Variants in LSAMP observed in about 807,000 individuals in gnomAD.
LSAMP encodes the protein limbic system associated membrane protein.
In LSAMP, 7 loss-of-function variants were observed where a neutral mutation model predicts 38.6. The observed-to-expected ratio is 0.18, with a 90% CI of 0.10 to 0.34. The LOEUF (loss-of-function observed/expected upper bound fraction) is 0.34. Among genes scored for constraint, LSAMP ranks in the 10% least tolerant of loss-of-function variants. The pLI is 1.00. For synonymous variants in LSAMP, 154 were observed against 166.8 expected (o/e 0.92, Z 0.59); for missense variants, 313 against 420.0 (o/e 0.75, Z 2.23).
At chr3:116,400,077 C>A (rs535918294) in intron 1 of LSAMP, among the ~76,000 whole-genome samples, 3 of 152,188 alleles carry the variant, frequency 2.0e-5, no homozygotes, top group Non-Finnish European at 2.9e-5. Flanking sequence ...AATATTAAGG[C>A]TACAGTAATA....
intron 1 of LSAMP, among the ~76,000 whole-genome samples, chr3:116,250,313 C>G (rs2046663335): frequency 6.6e-6 from 1 of 152,036 alleles, no homozygotes; most frequent in Admixed American, 6.6e-5. Flanking sequence ...TACAGAGTAC[C>G]AGGAGCCTGG....
intron 1 of LSAMP, among the ~76,000 whole-genome samples, chr3:116,137,988 C>T (rs1423202335): frequency 1.3e-5 from 2 of 152,058 alleles, no homozygotes; most frequent in Admixed American, 6.6e-5. Flanking sequence ...GCCTGACCAG[C>T]CTAATACAAG....
At chr3:116,112,575 C>A (rs1188652209) in intron 1 of LSAMP, among the ~76,000 whole-genome samples, 1 of 152,268 alleles carries the variant, frequency 6.6e-6, no homozygotes, top group African/African-American at 2.4e-5. Context: ...ATAGATGGCT[C>A]TTTTGGTCCA....
intron 2 of LSAMP, among the ~76,000 whole-genome samples, chr3:116,023,445 A>G (rs1375427873): frequency 5.3e-5 from 8 of 151,326 alleles, no homozygotes; most frequent in Admixed American, 3.3e-4. Flanking sequence ...ATACTAAAAA[A>G]AAAAAAAAAA....
chr3:116,091,575 A>G (rs1708124607), intron 1 of LSAMP, among the ~76,000 whole-genome samples: 1 of 152,164 alleles, frequency 6.6e-6, no homozygotes, highest in Non-Finnish European at 1.5e-5. Flanking sequence ...ATGTCCATAA[A>G]ATCTTCACAA....
intron 1 of LSAMP, among the ~76,000 whole-genome samples, chr3:116,127,323 A>T (rs1265711236): frequency 6.6e-6 from 1 of 152,184 alleles, no homozygotes; most frequent in Non-Finnish European, 1.5e-5. Flanking sequence ...TGACACATAC[A>T]TGTCTTGGTC....
chr3:115,909,808 T>G (rs1937095613), intron 3 of LSAMP, among the ~76,000 whole-genome samples: 1 of 152,196 alleles, frequency 6.6e-6, no homozygotes, highest in Non-Finnish European at 1.5e-5. Context: ...GTCAGGATAA[T>G]ATACTTTAAT....
At chr3:115,990,904 T>C (rs1939648235) in intron 3 of LSAMP, among the ~76,000 whole-genome samples, 1 of 152,090 alleles carries the variant, frequency 6.6e-6, no homozygotes, top group Non-Finnish European at 1.5e-5. Context: ...GGAAACTCCA[T>C]TTAACAGGCA....
At chr3:116,248,825 T>C (rs563327188) in intron 1 of LSAMP, among the ~76,000 whole-genome samples, 4 of 152,164 alleles carry the variant, frequency 2.6e-5, no homozygotes, top group African/African-American at 7.2e-5. Context: ...AAGGCTGGCA[T>C]TTGGATATAA....
intron 3 of LSAMP, among the ~76,000 whole-genome samples, chr3:115,974,488 G>A (rs963653706): frequency 6.6e-6 from 1 of 152,114 alleles, no homozygotes; most frequent in African/African-American, 2.4e-5. Context: ...CAGAAAAAAT[G>A]GTGGATCACA....
At position 115,884,806 on chromosome 3, in the gene LSAMP, A is replaced by G. The variant is rs146619365; in HGVS notation, c.515-32189T>C. On this transcript the variant is annotated intron_variant, in intron 3 of 6. Transcript: ENST00000490035. ...CACTAACAAGATGGACCTGGAAGTCAATAACATAAAAAAGAATAAACACGA... is the reference window on the plus strand; with the variant it reads ...CACTAACAAGATGGACCTGGAAGTCGATAACATAAAAAAGAATAAACACGA... Among the ~76,000 whole-genome samples, 19 of 152,198 alleles carry G rather than the reference A, an allele frequency of 1.2e-4. No homozygotes were observed. In the East Asian group the frequency reaches 3.7e-3, roughly 29 times the overall value.
At chr3:116,257,022 T>G (rs992858474) in intron 1 of LSAMP, among the ~76,000 whole-genome samples, 3 of 152,230 alleles carry the variant, frequency 2.0e-5, no homozygotes, top group African/African-American at 7.2e-5. Flanking sequence ...GAGGCACTTC[T>G]GGGCAAGACC....
intron 2 of LSAMP, among the ~76,000 whole-genome samples, chr3:116,027,708 C>T (rs1281283586): frequency 6.6e-6 from 1 of 152,130 alleles, no homozygotes; most frequent in Non-Finnish European, 1.5e-5. Flanking sequence ...AACCTTAGAT[C>T]TACAAAGCCA....
At chr3:115,893,488 T>C (rs1186768525) in intron 3 of LSAMP, among the ~76,000 whole-genome samples, 1 of 151,988 alleles carries the variant, frequency 6.6e-6, no homozygotes, top group Non-Finnish European at 1.5e-5. Context: ...TTTCCCCAAA[T>C]TGATGACAGT....
chr3:116,322,606 C>A (rs1276442783), intron 1 of LSAMP, among the ~76,000 whole-genome samples: 1 of 152,066 alleles, frequency 6.6e-6, no homozygotes, highest in Non-Finnish European at 1.5e-5. Flanking sequence ...CATATTTGGG[C>A]AGGCAATTTT....
At chr3:116,249,528 G>C (rs2046652134) in intron 1 of LSAMP, among the ~76,000 whole-genome samples, 2 of 151,998 alleles carry the variant, frequency 1.3e-5, no homozygotes, top group Admixed American at 6.6e-5. Context: ...TGGGATTACA[G>C]GTGCATGCCA....
intron 3 of LSAMP, among the ~76,000 whole-genome samples, chr3:115,895,686 T>C (rs1204918662): frequency 3.3e-5 from 5 of 152,072 alleles, no homozygotes; most frequent in Non-Finnish European, 1.5e-5. Context: ...GACAAATTTG[T>C]GATTTCCTTT....
chr3:116,266,347 A>G (rs1026563366), intron 1 of LSAMP, among the ~76,000 whole-genome samples: 2 of 152,184 alleles, frequency 1.3e-5, no homozygotes, highest in Non-Finnish European at 2.9e-5. Context: ...TTGACAGTTA[A>G]TGATGATGAG....
intron 1 of LSAMP, among the ~76,000 whole-genome samples, chr3:116,284,160 A>G (rs2107685113): frequency 6.6e-6 from 1 of 152,302 alleles, no homozygotes; most frequent in African/African-American, 2.4e-5. Context: ...AAGATGGTAA[A>G]GGTGATTAGG....
Sources: gnomAD v4.1 joint callset for allele counts (sites outside exome capture counted in the v4.1 genomes callset) on GRCh38, gnomAD v4.1.1 for gene constraint, MANE v1.5 for transcripts, NCBI Gene and HGNC (gene_info 2026-07-23, HGNC 2026-07-21) for gene names.